The following ERC1 variants were observed in gnomAD, a reference collection of about 807,000 sequenced individuals.
ERC1 encodes the protein RAB6 interacting protein 2.
Under a neutral mutation model 132.0 loss-of-function variants are expected in ERC1, and 56 were observed. That is an observed-to-expected ratio of 0.42 (90% CI 0.34 to 0.53). The LOEUF is 0.53. Ranked by LOEUF, ERC1 falls within the 20% of genes least tolerant of loss-of-function variation. The pLI is 0.03. For missense variants in ERC1, 1,202 were observed against 1,349.9 expected, an observed-to-expected ratio of 0.89 and a Z score of 1.72; for synonymous variants, 478 against 476.1, an observed-to-expected ratio of 1.00 and a Z score of -0.05.
At chr12:1,114,734 A>G (rs1410050805) in intron 6 of ERC1, among the ~76,000 whole-genome samples, 2 of 152,240 alleles carry the variant, frequency 1.3e-5, no homozygotes, top group African/African-American at 4.8e-5. Context: ...TGATGTTTTT[A>G]GTATCCTCAG....
chr12:1,261,663 T>A (rs2077153270), intron 13 of ERC1, among the ~76,000 whole-genome samples: 1 of 151,126 alleles, frequency 6.6e-6, no homozygotes, highest in Admixed American at 6.6e-5. Context: ...CAACGTTTGT[T>A]TTCTTTTGTT....
intron 17 of ERC1, among the ~76,000 whole-genome samples, chr12:1,411,061 A>C (rs995793963): frequency 2.6e-5 from 4 of 152,146 alleles, no homozygotes; most frequent in Non-Finnish European, 4.4e-5. Context: ...AAAGTAAAGG[A>C]AAACTTTTTT....
intron 8 of ERC1, among the ~76,000 whole-genome samples, chr12:1,156,354 C>T (rs557414787): frequency 6.6e-6 from 1 of 152,028 alleles, no homozygotes; most frequent in South Asian, 2.1e-4. Context: ...TTCTCTCCTG[C>T]CTCAGCCCCC....
At chr12:1,429,598 T>TA (rs1430710581) in intron 17 of ERC1, among the ~76,000 whole-genome samples, 1 of 152,132 alleles carries the variant, frequency 6.6e-6, no homozygotes, top group Non-Finnish European at 1.5e-5. Flanking sequence ...AGGTACGTGG[T>TA]AAAAAATACA....
intron 14 of ERC1, among the ~76,000 whole-genome samples, chr12:1,288,553 A>G (rs2079193439): frequency 6.6e-6 from 1 of 152,268 alleles, no homozygotes; most frequent in South Asian, 2.1e-4. Flanking sequence ...ATTGTTTAAC[A>G]GCTGTTACCA....
chr12:1,066,047 G>C (rs557036845), intron 2 of ERC1, among the ~76,000 whole-genome samples: 1 of 152,338 alleles, frequency 6.6e-6, no homozygotes, highest in South Asian at 2.1e-4. Context: ...TGGGTAAGGA[G>C]TTTTAACTTT....
chr12:1,053,008 C>T (rs1004732598), intron 2 of ERC1, among the ~76,000 whole-genome samples: 1 of 151,834 alleles, frequency 6.6e-6, no homozygotes, highest in Non-Finnish European at 1.5e-5. Flanking sequence ...TCATTTTATC[C>T]TGTTTTTCTG....
At chr12:1,415,698 G>C (rs2092083776) in intron 17 of ERC1, among the ~76,000 whole-genome samples, 1 of 152,118 alleles carries the variant, frequency 6.6e-6, no homozygotes, top group African/African-American at 2.4e-5. Flanking sequence ...TGGAGAAAAT[G>C]GTCCAAAAAC....
chr12:1,367,440 CTTCA>C (rs1440453950), intron 15 of ERC1, among the ~76,000 whole-genome samples: 2 of 152,152 alleles, frequency 1.3e-5, no homozygotes, highest in South Asian at 4.1e-4. Context: ...GGTAACAGCC[CTTCA>C]TTCATACTCC....
chr12:1,277,655 C>T (rs1260703530), intron 14 of ERC1, among the ~76,000 whole-genome samples: 1 of 152,088 alleles, frequency 6.6e-6, no homozygotes, highest in Non-Finnish European at 1.5e-5. Flanking sequence ...TATGTAGAAT[C>T]ATTCTGTCTT....
rs76808017 is a variant in ERC1, at chr12:1,243,468, C to T, written c.2487+6564C>T. Among the ~76,000 whole-genome samples the T allele has an allele frequency of 7.7e-3, 1,160 of 151,502 alleles. 24 individuals are homozygous for T. Among genetic ancestry groups the T allele is most frequent in the African/African-American group, 0.027 (1,110 of 41,150 alleles). On this transcript the variant is annotated intron_variant, in intron 13 of 18. Transcript: ENST00000360905. ...GGTGCTATGTAGGGATGTAATGAAACGTGAGAGATACTGAGGTCCTACTGT... is the reference window on the plus strand; with the variant it reads ...GGTGCTATGTAGGGATGTAATGAAATGTGAGAGATACTGAGGTCCTACTGT...
At chr12:1,233,741 A>G (rs1365539287) in intron 12 of ERC1, among the ~76,000 whole-genome samples, 1 of 143,002 alleles carries the variant, frequency 7.0e-6, no homozygotes, top group Non-Finnish European at 1.5e-5. Context: ...TTTCCTTTTT[A>G]AAAAAATCAC....
At chr12:1,108,182 A>C (rs561098854) in intron 4 of ERC1, among the ~76,000 whole-genome samples, 4 of 152,124 alleles carry the variant, frequency 2.6e-5, no homozygotes, top group Non-Finnish European at 5.9e-5. Context: ...CCTGGTTTTC[A>C]GAGCTGGAGT....
chr12:1,477,680 A>G (rs2189669), intron 18 of ERC1, among the ~76,000 whole-genome samples: 47,791 of 152,010 alleles, frequency 0.31, 7,734 homozygotes, highest in African/African-American at 0.37. Context: ...CTATGTATAT[A>G]GCTGAATTAC....
intron 13 of ERC1, among the ~76,000 whole-genome samples, chr12:1,248,593 G>A (rs971092856): frequency 6.6e-6 from 1 of 152,184 alleles, no homozygotes; most frequent in Non-Finnish European, 1.5e-5. Flanking sequence ...GGACCTTATA[G>A]GCCATGAAAA....
chr12:1,227,139 G>A (rs955637142), intron 12 of ERC1, among the ~76,000 whole-genome samples: 1 of 152,156 alleles, frequency 6.6e-6, no homozygotes, highest in Non-Finnish European at 1.5e-5. Flanking sequence ...TGTTTTTGAT[G>A]TGTAGCAGAA....
intron 2 of ERC1, among the ~76,000 whole-genome samples, chr12:1,029,947 C>T (rs1035461686): frequency 2.0e-5 from 3 of 152,022 alleles, no homozygotes; most frequent in East Asian, 1.9e-4. Flanking sequence ...GGGGTTTCAC[C>T]GTGTTGGCCA....
chr12:1,049,190 C>T (rs902374722), intron 2 of ERC1, among the ~76,000 whole-genome samples: 9 of 152,256 alleles, frequency 5.9e-5, no homozygotes, highest in Middle Eastern at 3.4e-3. Flanking sequence ...TGCGCATTAC[C>T]GTCATTGATA....
At chr12:1,273,059 T>G (rs1347279100) in intron 14 of ERC1, among the ~76,000 whole-genome samples, 1 of 152,028 alleles carries the variant, frequency 6.6e-6, no homozygotes, top group East Asian at 1.9e-4. Flanking sequence ...AGCCAGATGT[T>G]CTATAGTTTC....
Sources: allele counts gnomAD v4.1 joint callset (sites outside exome capture counted in the v4.1 genomes callset), GRCh38; gene constraint gnomAD v4.1.1; transcripts MANE v1.5; gene names NCBI Gene and HGNC (gene_info 2026-07-23, HGNC 2026-07-21).